Variants in PCNX2 observed in about 807,000 individuals in gnomAD.
The protein encoded by PCNX2 is pecanex 2, also known as pecanex-like protein 2.
PCNX2 carries 168 observed loss-of-function variants against 223.8 expected under a neutral mutation model. The ratio of observed to expected loss-of-function variants is 0.75; its 90% CI spans 0.66 to 0.85. The LOEUF is 0.85. PCNX2 is among the 40% of genes least tolerant of loss of function. The pLI is 0.00. For missense variants in PCNX2, 2,507 were observed against 2,675.5 expected, an observed-to-expected ratio of 0.94 and a Z score of 1.39; for synonymous variants, 1,006 against 1,052.6, an observed-to-expected ratio of 0.96 and a Z score of 0.86.
chr1:233,156,504 G>A (rs1038314373), intron 19 of PCNX2, among the ~76,000 whole-genome samples: 1 of 152,170 alleles, frequency 6.6e-6, no homozygotes, highest in Non-Finnish European at 1.5e-5. Flanking sequence ...CTGACATGGA[G>A]CTCAGTCTAC....
At chr1:233,010,160 C>G (rs529351924) in intron 28 of PCNX2, among the ~76,000 whole-genome samples, 1 of 152,198 alleles carries the variant, frequency 6.6e-6, no homozygotes, top group South Asian at 2.1e-4. Context: ...AGCTGGCCCC[C>G]GTGGGGGCCT....
chr1:233,181,963 A>G (rs1215085212), intron 15 of PCNX2, among the ~76,000 whole-genome samples: 1 of 152,200 alleles, frequency 6.6e-6, no homozygotes, highest in Non-Finnish European at 1.5e-5. Flanking sequence ...TTTCAGTGCC[A>G]TCTCAGCCTT....
intron 19 of PCNX2, among the ~76,000 whole-genome samples, chr1:233,151,791 C>T (rs1051797840): frequency 6.6e-6 from 1 of 152,234 alleles, no homozygotes; most frequent in Non-Finnish European, 1.5e-5. Flanking sequence ...TCTCCTGCCT[C>T]AGCTTCCTGA....
Position 232,992,775 on chromosome 1 carries a change from G to T in PCNX2, c.5791+5476C>A, listed in dbSNP as rs538610939. ...GCTGGGAAGTGAATGGATCATGGGG[G>T]CATGGTTCCCCCAGGCTGTTCTTGT... On this transcript the variant is annotated intron_variant, in intron 32 of 33. Transcript: ENST00000258229. Among the ~76,000 whole-genome samples the T allele has an allele frequency of 1.2e-3, 189 of 152,288 alleles. 2 individuals are homozygous for T. The highest frequency in any genetic ancestry group is 4.4e-3 in the African/African-American group (181 of 41,564).
chr1:233,311,601 A>G, the PCNX2 span, among the ~76,000 whole-genome samples: 1 of 152,244 alleles, frequency 6.6e-6, no homozygotes, highest in South Asian at 2.1e-4. Context: ...AATAAATTAC[A>G]ATAGAAATAA....
intron 28 of PCNX2, among the ~76,000 whole-genome samples, chr1:233,011,631 G>A (rs1206495752): frequency 6.6e-6 from 1 of 151,976 alleles, no homozygotes; most frequent in Non-Finnish European, 1.5e-5. Flanking sequence ...AACCAATGAC[G>A]CTCCATAAAA....
intron 23 of PCNX2, among the ~76,000 whole-genome samples, chr1:233,062,768 A>AT (rs1380478925): frequency 6.6e-6 from 1 of 152,124 alleles, no homozygotes; most frequent in Non-Finnish European, 1.5e-5. Flanking sequence ...TGTTTCTTTG[A>AT]TTTTTAAACA....
intron 1 of PCNX2, among the ~76,000 whole-genome samples, chr1:233,269,829 G>A (rs1660552549): frequency 6.6e-6 from 1 of 152,094 alleles, no homozygotes; most frequent in Non-Finnish European, 1.5e-5. Context: ...GTGGGGAACT[G>A]CTTAGTCTGG....
At position 233,259,266 on chromosome 1, in the gene PCNX2, G is replaced by A. The variant is rs755841146; in HGVS notation, c.596C>T (p.Ala199Val). 52 of 1,613,892 alleles carry A rather than the reference G, an allele frequency of 3.2e-5. No homozygotes were observed. The East Asian group carries it at 7.6e-4, about 24-fold the overall frequency. Residue 199 changes from alanine (A) to valine (V), a missense_variant, in exon 5 of 34, where the codon GCG becomes GTG. Ala to Val is a moderately conservative substitution (Grantham distance 64, BLOSUM62 0). Coordinates refer to ENST00000258229, the MANE Select transcript of PCNX2 (RefSeq NM_014801.4). ...SPGIKVESLP[A>V]SQAHMLETTT... ...GGTTTCCAGCATGTGTGCTTGAGAC[G>A]CAGGTAAGCTTTCCACTTTGATACC...
At chr1:233,052,005 G>A (rs1295307733) in intron 25 of PCNX2, among the ~76,000 whole-genome samples, 1 of 152,066 alleles carries the variant, frequency 6.6e-6, no homozygotes, top group Non-Finnish European at 1.5e-5. Flanking sequence ...GACATTTTCT[G>A]GCATCTGTGC....
chr1:233,261,353 A>T, intron 3 of PCNX2, 32 bp from the exon 4 acceptor site: 1 of 1,605,846 alleles, frequency 6.2e-7, no homozygotes, highest in South Asian at 1.1e-5. Flanking sequence ...AAATCAATAG[A>T]TGACTCAGCT....
At chr1:233,222,350 G>C (rs1284756040) in intron 10 of PCNX2, among the ~76,000 whole-genome samples, 1 of 152,102 alleles carries the variant, frequency 6.6e-6, no homozygotes, top group African/African-American at 2.4e-5. Flanking sequence ...GCCATTGCTG[G>C]GCAGTCGGTA....
At chr1:233,175,127 G>C (rs1265465755) in intron 17 of PCNX2, among the ~76,000 whole-genome samples, 1 of 151,978 alleles carries the variant, frequency 6.6e-6, no homozygotes, top group African/African-American at 2.4e-5. Context: ...GAAAATAAGA[G>C]CTGGAGACAC....
At chr1:233,325,012 G>T in the PCNX2 span, among the ~76,000 whole-genome samples, 1 of 152,180 alleles carries the variant, frequency 6.6e-6, no homozygotes, top group Non-Finnish European at 1.5e-5. Flanking sequence ...AGAGATGCAC[G>T]AGGAGATAAA....
At chr1:233,201,825 A>C (rs1194399021) in intron 13 of PCNX2, 9 of 164,564 alleles carry the variant, frequency 5.5e-5, no homozygotes, top group African/African-American at 2.2e-4. Context: ...TAGCCAGTGC[A>C]ACAAAACCCA....
At chr1:233,196,562 A>G (rs1680747252) in intron 15 of PCNX2, among the ~76,000 whole-genome samples, 1 of 152,142 alleles carries the variant, frequency 6.6e-6, no homozygotes, top group South Asian at 2.1e-4. Flanking sequence ...AGACAAGCAA[A>G]TTTTTCATCA....
At chr1:233,008,984 T>A (rs534283008) in intron 28 of PCNX2, among the ~76,000 whole-genome samples, 1 of 152,152 alleles carries the variant, frequency 6.6e-6, no homozygotes, top group East Asian at 1.9e-4. Context: ...GGTGCGTTCC[T>A]GCACAGCAGA....
At chr1:233,273,532 G>C (rs1250189535) in intron 1 of PCNX2, among the ~76,000 whole-genome samples, 1 of 151,982 alleles carries the variant, frequency 6.6e-6, no homozygotes, top group Non-Finnish European at 1.5e-5. Context: ...AATGTGTTTA[G>C]TTTGATTCTT....
At chr1:232,985,630 C>G (rs1422091126) in intron 33 of PCNX2, 2 of 327,918 alleles carry the variant, frequency 6.1e-6, no homozygotes, top group Non-Finnish European at 5.6e-6. Flanking sequence ...ATTTAAATAC[C>G]TAAAAGCAGT....
Sources: allele counts gnomAD v4.1 joint callset (sites outside exome capture counted in the v4.1 genomes callset), GRCh38; gene constraint gnomAD v4.1.1; transcripts MANE v1.5; gene names NCBI Gene and HGNC (gene_info 2026-07-23, HGNC 2026-07-21).